ASXL2: variants seen among roughly 807,000 people sequenced by gnomAD.
ASXL2 encodes ASXL transcriptional regulator 2.
ASXL2 carries 23 observed loss-of-function variants against 122.0 expected under a neutral mutation model. That is an observed-to-expected ratio of 0.19 (90% CI 0.14 to 0.27). ASXL2 has a LOEUF of 0.27. Ranked by LOEUF, ASXL2 falls within the 10% of genes least tolerant of loss-of-function variation. The pLI, the probability that ASXL2 is intolerant of heterozygous loss-of-function variation, is 1.00. For missense variants in ASXL2, 1,518 were observed against 1,713.8 expected (o/e 0.89, Z 2.02); for synonymous variants, 650 against 637.0 (o/e 1.02, Z -0.31).
intron 5 of ASXL2, among the ~76,000 whole-genome samples, chr2:25,771,843 A>C (rs1365500450): frequency 6.6e-6 from 1 of 152,208 alleles, no homozygotes; most frequent in African/African-American, 2.4e-5. Flanking sequence ...CTTAGGAAAG[A>C]TTCTAGGGCC....
In ASXL2 at chr2:25,744,547, G is replaced by A; in HGVS notation, c.1861-71C>T. On this transcript the variant is annotated intron_variant, in intron 12 of 12. Transcript: ENST00000435504. The surrounding 1 kb of genome is among the most constrained non-coding windows in gnomAD (Gnocchi z 4.7). ...TTGTAAGAATAACAAAACTTCATTAGCCCTCACATTTTAAAAACAGATGAA... is the reference window on the plus strand; with the variant it reads ...TTGTAAGAATAACAAAACTTCATTAACCCTCACATTTTAAAAACAGATGAA... 6.8e-7 allele frequency: 1 copy of A among 1,476,326 alleles called. No individual in the cohort carries two copies. Among genetic ancestry groups the A allele is most frequent in the Non-Finnish European group, 9.0e-7 (1 of 1,108,478 alleles). 91.5% of individuals were successfully genotyped at this position (1,476,326 alleles called of 1,614,324 possible). A position where few individuals can be genotyped will look rare whatever the true frequency, so the allele number is the denominator to read the frequency against.
chr2:25,767,568 T>C lies in ASXL2; in HGVS notation c.775+15A>G, dbSNP rs1269924353. On this transcript the variant is annotated intron_variant, in intron 8 of 12. Coordinates refer to ENST00000435504, the MANE Select transcript of ASXL2 (RefSeq NM_018263.6). ...TCATGGCAATGAAAACTGAAGTCTTTGTAAGCAAACTTACTGGTATGGAGT... is the reference window on the plus strand; with the variant it reads ...TCATGGCAATGAAAACTGAAGTCTTCGTAAGCAAACTTACTGGTATGGAGT... The C allele has an allele frequency of 2.5e-6, 4 of 1,607,108 alleles. No homozygotes were observed. The South Asian group carries it at 4.5e-5, about 18-fold the overall frequency.
Position 25,738,014 on chromosome 2 carries a change from A to G in ASXL2, c.*4015T>C, listed in dbSNP as rs959400183. ...AGTCAATTTTCTTTTAAAATAAAAA[A>G]TAAACCCCAAAACTATTCCCCTTAT... On this transcript the variant is annotated 3_prime_UTR_variant, in exon 13 of 13. Transcript: ENST00000435504. 2.6e-5 allele frequency: 4 copies of G among 152,186 alleles called. No homozygotes were observed. The highest frequency in any genetic ancestry group is 9.6e-5 in the African/African-American group (4 of 41,458). The allele number at this position is 152,186 out of a possible 1,614,324, so 9.4% of individuals were successfully genotyped here.
chr2:25,773,123 C>T (rs2088484209), intron 5 of ASXL2, among the ~76,000 whole-genome samples: 1 of 151,446 alleles, frequency 6.6e-6, no homozygotes, highest in Non-Finnish European at 1.5e-5. Flanking sequence ...CAGGAGAATC[C>T]CTTGAACCCT....
intron 1 of ASXL2, among the ~76,000 whole-genome samples, chr2:25,869,175 A>G (rs1028991368): frequency 6.7e-6 from 1 of 149,136 alleles, no homozygotes; most frequent in African/African-American, 2.5e-5. Context: ...CAAAAAAAAA[A>G]AAAAATTAGC....
intron 3 of ASXL2, among the ~76,000 whole-genome samples, chr2:25,827,844 T>C (rs1009000994): frequency 6.6e-6 from 1 of 152,166 alleles, no homozygotes; most frequent in Non-Finnish European, 1.5e-5. Flanking sequence ...GAGAGTGATC[T>C]AGGAATCGCC....
intron 1 of ASXL2, among the ~76,000 whole-genome samples, chr2:25,874,396 G>C (rs1020239629): frequency 1.3e-5 from 2 of 152,150 alleles, no homozygotes; most frequent in African/African-American, 4.8e-5. Context: ...AGCTGAGCTG[G>C]GAGGATTGCT....
At chr2:25,781,059 C>CAA (rs56394505) in intron 5 of ASXL2, among the ~76,000 whole-genome samples, 18 of 109,866 alleles carry the variant, frequency 1.6e-4, no homozygotes, top group East Asian at 6.3e-4. Context: ...ACTCCATCTC[C>CAA]AAAAAAAAAA....
chr2:25,761,874 C>T (rs2088256460), intron 8 of ASXL2, among the ~76,000 whole-genome samples: 1 of 151,884 alleles, frequency 6.6e-6, no homozygotes, highest in African/African-American at 2.4e-5. Context: ...TACTCAGAAA[C>T]CTGATATAAA....
chr2:25,779,706 TA>T, intron 5 of ASXL2, among the ~76,000 whole-genome samples: 1 of 152,210 alleles, frequency 6.6e-6, no homozygotes. Context: ...TTAAAAATTT[TA>T]AATTATGTAA....
Position 25,743,025 on chromosome 2 carries a change from C to A in ASXL2, c.3312G>T (p.Gln1104His), listed in dbSNP as rs778246506. 2 of 1,614,036 alleles carry A rather than the reference C, an allele frequency of 1.2e-6. No homozygotes were observed. The highest frequency in any genetic ancestry group is 1.7e-6 in the Non-Finnish European group (2 of 1,179,898). ...GFQLEDISTSQRFMLGFAGRR... is the reference protein window; with the variant it reads ...GFQLEDISTSHRFMLGFAGRR... ...TGCCAGCAAAACCCAGCATGAACCT[C>A]TGGCTTGTGGAGATGTCTTCCAGCT... The change falls in exon 13 of 13, where the codon CAG becomes CAT. Residue 1104 changes from glutamine (Q) to histidine (H), a missense_variant. This residue lies in a region of ASXL2 where 831 missense variants were observed against 833.1 expected (regional missense o/e 1.00). Coordinates refer to ENST00000435504, the MANE Select transcript of ASXL2 (RefSeq NM_018263.6).
chr2:25,759,528 T>G lies in ASXL2; in HGVS notation c.893A>C (p.Asp298Ala), dbSNP rs542363383. The G allele has an allele frequency of 1.2e-6, 2 of 1,613,960 alleles. No individual in the cohort carries two copies. Among genetic ancestry groups the G allele is most frequent in the Admixed American group, 3.3e-5 (2 of 60,030 alleles). Residue 298 changes from aspartate (D) to alanine (A), a missense_variant, in exon 9 of 13, where the codon GAT (aspartate) becomes GCT (alanine). Physicochemically the swap from Asp to Ala is moderately radical, Grantham distance 126. This residue lies in a region of ASXL2 where 92 missense variants were observed against 156.6 expected (regional missense o/e 0.59). Coordinates refer to ENST00000435504, the MANE Select transcript of ASXL2 (RefSeq NM_018263.6). ...TAGTAAAAGCAGTCGTTGCTGGCAA[T>G]CTCCAGGAAGGACTGAAAATGTGTG... ...NKHTFSVLPG[D>A]CQQRLLLLLP...
intron 5 of ASXL2, among the ~76,000 whole-genome samples, chr2:25,783,926 T>G (rs964006627): frequency 6.6e-6 from 1 of 152,038 alleles, no homozygotes; most frequent in Non-Finnish European, 1.5e-5. Flanking sequence ...TGGTGGCACA[T>G]GCCTGTAATC....
intron 2 of ASXL2, among the ~76,000 whole-genome samples, chr2:25,838,533 G>A (rs1471611687): frequency 6.6e-6 from 1 of 152,190 alleles, no homozygotes; most frequent in African/African-American, 2.4e-5. Context: ...ATTAAGCTGT[G>A]TGGGAGTAGC....
At position 25,747,439 on chromosome 2, in the gene ASXL2, G is replaced by T. The variant is rs977528585; in HGVS notation, c.1860+2257C>A. 3.3e-5 allele frequency among the ~76,000 whole-genome samples: 5 copies of T among 152,248 alleles called. No homozygotes were observed. The South Asian group carries it at 6.2e-4, about 19-fold the overall frequency. On this transcript the variant is annotated intron_variant, in intron 12 of 12. Transcript: ENST00000435504. ...CTAAGAAAGCAGTATTTGAGATAGG[G>T]TCTAAGAGAAGAGAGTTACTAAAGA... is the stretch of plus-strand genomic sequence containing the variant.
At chr2:25,778,812 C>G (rs151083614) in intron 5 of ASXL2, among the ~76,000 whole-genome samples, 1 of 152,242 alleles carries the variant, frequency 6.6e-6, no homozygotes, top group East Asian at 1.9e-4. Flanking sequence ...ACTTTTGGCC[C>G]AGACCTGGAT....
At chr2:25,772,123 G>A (rs1312854549) in intron 5 of ASXL2, among the ~76,000 whole-genome samples, 1 of 152,124 alleles carries the variant, frequency 6.6e-6, no homozygotes, top group African/African-American at 2.4e-5. Context: ...GTTTTATATT[G>A]CCTGGCAGAG....
intron 5 of ASXL2, among the ~76,000 whole-genome samples, chr2:25,779,880 C>G (rs1326765389): frequency 2.0e-5 from 3 of 149,724 alleles, no homozygotes; most frequent in African/African-American, 7.4e-5. Flanking sequence ...CTTTTTTTTT[C>G]CTTTTTAAGA....
chr2:25,833,442 C>G (rs2089476571), intron 3 of ASXL2, among the ~76,000 whole-genome samples: 2 of 152,164 alleles, frequency 1.3e-5, no homozygotes, highest in South Asian at 4.1e-4. Flanking sequence ...TGCCTGTAAT[C>G]CCAGCACTTT....
Sources: gnomAD v4.1 joint callset for allele counts (sites outside exome capture counted in the v4.1 genomes callset) on GRCh38, gnomAD v4.1.1 for gene constraint, gnomAD v4.1.1 regional missense constraint, Gnocchi (gnomAD v3.1) non-coding constraint, MANE v1.5 for transcripts, NCBI Gene and HGNC (gene_info 2026-07-23, HGNC 2026-07-21) for gene names.